The following TMEM123 variants were observed in gnomAD, a reference collection of about 807,000 sequenced individuals.
TMEM123 encodes the protein porimin.
Under a neutral mutation model 19.7 loss-of-function variants are expected in TMEM123, and 16 were observed. The observed-to-expected ratio is 0.81, with a 90% CI of 0.55 to 1.23. The LOEUF (loss-of-function observed/expected upper bound fraction) is 1.23. Among genes scored for constraint, TMEM123 ranks in the 50% most tolerant of loss-of-function variants. The probability of loss-of-function intolerance (pLI) is 0.00; values close to 1 mark genes in which losing one functional copy is unlikely to be tolerated. For missense variants in TMEM123, 313 were observed against 257.8 expected (o/e 1.21, Z -1.47); for synonymous variants, 118 against 99.4 (o/e 1.19, Z -1.12).
chr11:102,432,181 G>A (rs977954615), intron 2 of TMEM123, among the ~76,000 whole-genome samples: 3 of 152,206 alleles, frequency 2.0e-5, no homozygotes, highest in Non-Finnish European at 2.9e-5. Context: ...ACAGTTTGGA[G>A]GACTTAGAAG....
Position 102,398,751 on chromosome 11 carries a change from G to T in TMEM123, c.*116C>A. The T allele has an allele frequency of 9.9e-7, 1 of 1,007,888 alleles. No homozygotes were observed. Among genetic ancestry groups the T allele is most frequent in the Non-Finnish European group, 1.5e-6 (1 of 657,522 alleles). 62.4% of individuals were successfully genotyped at this position (1,007,888 alleles called of 1,614,324 possible). Reference sequence around the variant, plus strand: ...TTACGTAATACACTGTACATTATATGCATGGCCTGTTTATACTATTTTCAA... The same window carrying T: ...TTACGTAATACACTGTACATTATATTCATGGCCTGTTTATACTATTTTCAA... On this transcript the variant is annotated 3_prime_UTR_variant, in exon 5 of 5. Transcript: ENST00000398136.
At chr11:102,449,486 T>A (rs890273202) in intron 1 of TMEM123, 4 of 152,522 alleles carry the variant, frequency 2.6e-5, no homozygotes, top group African/African-American at 9.7e-5. Flanking sequence ...TAAATATGTA[T>A]AACACATAGG....
chr11:102,423,942 T>C (rs1952105415), intron 2 of TMEM123, among the ~76,000 whole-genome samples: 1 of 152,222 alleles, frequency 6.6e-6, no homozygotes, highest in South Asian at 2.1e-4. Flanking sequence ...AAAAAATATA[T>C]AAAAGTTTTA....
At chr11:102,436,225 TG>T (rs1857761068) in intron 2 of TMEM123, among the ~76,000 whole-genome samples, 1 of 152,016 alleles carries the variant, frequency 6.6e-6, no homozygotes, top group Admixed American at 6.6e-5. Context: ...TGCAGTGGAA[TG>T]ATCTTGGCTC....
chr11:102,428,866 G>A (rs1040358404), intron 2 of TMEM123, among the ~76,000 whole-genome samples: 7 of 152,142 alleles, frequency 4.6e-5, no homozygotes, highest in African/African-American at 1.7e-4. Flanking sequence ...CACCAAGTCT[G>A]GCCAGGGAAA....
chr11:102,441,352 C>A (rs1468450952), intron 2 of TMEM123, among the ~76,000 whole-genome samples: 1 of 152,168 alleles, frequency 6.6e-6, no homozygotes, highest in Non-Finnish European at 1.5e-5. Context: ...TCTCTCGGAC[C>A]ACAGTGCAAT....
At chr11:102,448,944 A>G in intron 1 of TMEM123, 76 bp from the exon 2 acceptor site, 2 of 1,424,550 alleles carry the variant, frequency 1.4e-6, no homozygotes, top group South Asian at 2.3e-5. Context: ...TTTTCTGCCT[A>G]GCGGGAGTAG....
chr11:102,399,965 C>T (rs984039118), intron 4 of TMEM123, among the ~76,000 whole-genome samples: 14 of 34,078 alleles, frequency 4.1e-4, no homozygotes, highest in Non-Finnish European at 7.6e-4. Flanking sequence ...AGGGAAACTC[C>T]ATCTCAAAAA....
intron 4 of TMEM123, among the ~76,000 whole-genome samples, chr11:102,401,118 G>C (rs184793603): frequency 1.1e-4 from 16 of 152,126 alleles, no homozygotes. Flanking sequence ...GCTGTCAGAG[G>C]AATTTTTTTT....
chr11:102,424,908 G>A lies in TMEM123; in HGVS notation c.158-22702C>T, dbSNP rs1358145191. 2.0e-5 allele frequency among the ~76,000 whole-genome samples: 3 copies of A among 152,190 alleles called. No homozygotes were observed. In the East Asian group the frequency reaches 5.8e-4, roughly 29 times the overall value. On this transcript the variant is annotated intron_variant, in intron 2 of 4. Coordinates refer to ENST00000398136, the MANE Select transcript of TMEM123 (RefSeq NM_052932.3). ...GCTGTACTGATTGCATGCTCACTGAGCAAGTTTTTCAGAAGCACACTCTTG... is the reference window on the plus strand; with the variant it reads ...GCTGTACTGATTGCATGCTCACTGAACAAGTTTTTCAGAAGCACACTCTTG...
intron 2 of TMEM123, among the ~76,000 whole-genome samples, chr11:102,426,384 G>A (rs1952126141): frequency 6.6e-6 from 1 of 151,860 alleles, no homozygotes; most frequent in Non-Finnish European, 1.5e-5. Context: ...AGCAGTAATA[G>A]AAGGGAGCCG....
At chr11:102,442,623 T>C (rs575633087) in intron 2 of TMEM123, among the ~76,000 whole-genome samples, 1 of 152,306 alleles carries the variant, frequency 6.6e-6, no homozygotes, top group Non-Finnish European at 1.5e-5. Context: ...GCATTCCCTC[T>C]GAAAACTGGC....
chr11:102,436,903 G>C lies in TMEM123; in HGVS notation c.157+11909C>G, dbSNP rs200725047. ...CTAGAATTTAGACTGAACCCACTGT[G>C]AGCCAGATGGCTGCATTATGGAAAA... On this transcript the variant is annotated intron_variant, in intron 2 of 4. Coordinates refer to ENST00000398136, the MANE Select transcript of TMEM123 (RefSeq NM_052932.3). Among the ~76,000 whole-genome samples, 14 of 152,346 alleles carry C rather than the reference G, an allele frequency of 9.2e-5. No homozygotes were observed. In the East Asian group the frequency reaches 2.3e-3, roughly 25 times the overall value.
At chr11:102,413,192 T>C (rs1036197662) in intron 2 of TMEM123, among the ~76,000 whole-genome samples, 1 of 152,158 alleles carries the variant, frequency 6.6e-6, no homozygotes, top group African/African-American at 2.4e-5. Context: ...TCAGAGAAAT[T>C]TAAGAACTTT....
At chr11:102,413,557 G>A (rs1952021663) in intron 2 of TMEM123, among the ~76,000 whole-genome samples, 1 of 152,136 alleles carries the variant, frequency 6.6e-6, no homozygotes, top group Non-Finnish European at 1.5e-5. Context: ...CGAGGGGCCA[G>A]AAAACAAAGC....
chr11:102,405,406 AAATAAAT>A (rs1328198520), intron 2 of TMEM123, among the ~76,000 whole-genome samples: 1 of 152,226 alleles, frequency 6.6e-6, no homozygotes, highest in East Asian at 1.9e-4. Context: ...CTACATAGGC[AAATAAAT>A]AATAAATATC....
chr11:102,406,706 C>A (rs1033920345), intron 2 of TMEM123, among the ~76,000 whole-genome samples: 5 of 151,814 alleles, frequency 3.3e-5, no homozygotes, highest in African/African-American at 1.2e-4. Context: ...CCCGTCTCTA[C>A]CAAAAATATA....
At chr11:102,413,819 C>T (rs1475681521) in intron 2 of TMEM123, among the ~76,000 whole-genome samples, 2 of 152,178 alleles carry the variant, frequency 1.3e-5, no homozygotes, top group African/African-American at 4.8e-5. Flanking sequence ...CTTCTTACCT[C>T]CAAAGAACCA....
chr11:102,431,775 G>A (rs1445345294), intron 2 of TMEM123, among the ~76,000 whole-genome samples: 2 of 152,178 alleles, frequency 1.3e-5, no homozygotes, highest in Non-Finnish European at 2.9e-5. Flanking sequence ...ATCTTGAATT[G>A]TAATCCCCAT....
Sources: allele counts gnomAD v4.1 joint callset (sites outside exome capture counted in the v4.1 genomes callset), GRCh38; gene constraint gnomAD v4.1.1; transcripts MANE v1.5; gene names NCBI Gene and HGNC (gene_info 2026-07-23, HGNC 2026-07-21).